PDE8B: variants seen among roughly 807,000 people sequenced by gnomAD.
The protein encoded by PDE8B is phosphodiesterase 8B, also known as high affinity cAMP-specific and IBMX-insensitive 3',5'-cyclic phosphodiesterase 8B.
A neutral mutation model predicts 101.3 loss-of-function variants in PDE8B; 26 were observed. The observed-to-expected ratio is 0.26, with a 90% CI of 0.19 to 0.36. The LOEUF (loss-of-function observed/expected upper bound fraction) is 0.36, where lower values mean the gene tolerates loss of function less well. Ranked by LOEUF, PDE8B falls within the 10% of genes least tolerant of loss-of-function variation. The pLI is 1.00. For synonymous variants in PDE8B, 424 were observed against 429.3 expected (o/e 0.99, Z 0.15); for missense variants, 810 against 1,163.1 (o/e 0.70, Z 4.42).
intron 1 of PDE8B, among the ~76,000 whole-genome samples, chr5:77,227,671 A>C (rs945204059): frequency 6.6e-6 from 1 of 152,224 alleles, no homozygotes; most frequent in African/African-American, 2.4e-5. Flanking sequence ...TGAGCCACGC[A>C]GAATGGAAGA....
At chr5:77,422,029 A>G (rs1277987210) in intron 20 of PDE8B, 41 bp downstream of exon 20, 2 of 1,591,656 alleles carry the variant, frequency 1.3e-6, no homozygotes, top group East Asian at 2.2e-5. Context: ...CCCCTCTGGG[A>G]ATGGGAACTA....
At chr5:77,312,177 C>T in intron 2 of PDE8B, 124 bp downstream of exon 2, 1 of 706,278 alleles carries the variant, frequency 1.4e-6, no homozygotes. Flanking sequence ...AGTCTCGGCT[C>T]ACTGCAACCT....
At chr5:77,388,330 C>G (rs1789173868) in intron 10 of PDE8B, among the ~76,000 whole-genome samples, 1 of 152,196 alleles carries the variant, frequency 6.6e-6, no homozygotes, top group Non-Finnish European at 1.5e-5. Flanking sequence ...ACAGGCCCCT[C>G]TGCTACAGGT....
intron 9 of PDE8B, among the ~76,000 whole-genome samples, chr5:77,352,899 T>C (rs1781423927): frequency 6.6e-6 from 1 of 152,224 alleles, no homozygotes; most frequent in Admixed American, 6.5e-5. Flanking sequence ...AGTGCCATTA[T>C]TATGACAATT....
rs75083555 is a variant in PDE8B, at chr5:77,411,514, G to C, written c.1531-162G>C. Reference sequence around the variant, plus strand: ...AGTTACAGAAGGGAGAGTATCATCTGTCTTATAACTGTTGTGATTTAATTT... The same window carrying C: ...AGTTACAGAAGGGAGAGTATCATCTCTCTTATAACTGTTGTGATTTAATTT... On this transcript the variant is annotated intron_variant, in intron 14 of 21. Transcript: ENST00000264917. Among the ~76,000 whole-genome samples the C allele has an allele frequency of 3.9e-4, 60 of 152,128 alleles. No individual in the cohort carries two copies. In the East Asian group the frequency reaches 0.011, roughly 28 times the overall value.
chr5:77,412,017 G>C (rs763225406), intron 15 of PDE8B, 83 bp from the exon 16 acceptor site: 10 of 1,404,908 alleles, frequency 7.1e-6, no homozygotes, highest in Non-Finnish European at 1.0e-5. Context: ...TTTTCTAGTA[G>C]TAACTATGAA....
the PDE8B span, among the ~76,000 whole-genome samples, chr5:77,183,128 TA>T: frequency 9.3e-3 from 1,002 of 107,408 alleles, 10 homozygotes; most frequent in African/African-American, 0.044. Context: ...TTATTATTAT[TA>T]ATTATTTTGA....
intron 10 of PDE8B, among the ~76,000 whole-genome samples, chr5:77,363,749 G>A (rs1413924018): frequency 6.6e-6 from 1 of 151,708 alleles, no homozygotes; most frequent in Non-Finnish European, 1.5e-5. Flanking sequence ...ATTGTAGGGA[G>A]AGATCCTCTG....
intron 11 of PDE8B, among the ~76,000 whole-genome samples, chr5:77,403,675 T>G (rs1013827262): frequency 6.6e-6 from 1 of 152,138 alleles, no homozygotes; most frequent in Non-Finnish European, 1.5e-5. Context: ...GGAAAAGAGA[T>G]AGTATAATAA....
intron 1 of PDE8B, among the ~76,000 whole-genome samples, chr5:77,286,121 T>C (rs1297614547): frequency 6.6e-6 from 1 of 152,210 alleles, no homozygotes; most frequent in East Asian, 1.9e-4. Flanking sequence ...TCATGGGCAT[T>C]GTGAATGATA....
intron 10 of PDE8B, among the ~76,000 whole-genome samples, chr5:77,379,793 C>G (rs546282882): frequency 9.2e-5 from 14 of 152,262 alleles, no homozygotes; most frequent in African/African-American, 3.4e-4. Flanking sequence ...CAAGAAAATA[C>G]TCATCAAAGT....
intron 10 of PDE8B, among the ~76,000 whole-genome samples, chr5:77,389,032 C>A (rs1025695858): frequency 1.3e-5 from 2 of 152,136 alleles, no homozygotes; most frequent in South Asian, 4.1e-4. Flanking sequence ...ACCCGCTGAG[C>A]CAGACCACTT....
At chr5:77,267,439 C>CAAAAAAA (rs1237992036) in intron 1 of PDE8B, among the ~76,000 whole-genome samples, 1 of 98,186 alleles carries the variant, frequency 1.0e-5, no homozygotes, top group African/African-American at 3.8e-5. Context: ...GACTCCATCT[C>CAAAAAAA]AAAAAAAAAA....
intron 7 of PDE8B, among the ~76,000 whole-genome samples, chr5:77,347,554 ATAGT>A (rs1780358562): frequency 6.6e-6 from 1 of 152,262 alleles, no homozygotes; most frequent in African/African-American, 2.4e-5. Flanking sequence ...CATTCCTCAA[ATAGT>A]TAATAAACAG....
intron 1 of PDE8B, among the ~76,000 whole-genome samples, chr5:77,213,111 A>G (rs1194327895): frequency 6.6e-6 from 1 of 152,252 alleles, no homozygotes; most frequent in Admixed American, 6.5e-5. Context: ...CAAATGAAGT[A>G]AAAACTGAAG....
chr5:77,165,264 A>G, the PDE8B span: 3 of 152,354 alleles, frequency 2.0e-5, no homozygotes, highest in South Asian at 4.1e-4. Flanking sequence ...CTTGTTTTCA[A>G]TATAATTTAT....
At chr5:77,285,179 C>CAGAT (rs1428234809) in intron 1 of PDE8B, among the ~76,000 whole-genome samples, 1 of 152,186 alleles carries the variant, frequency 6.6e-6, no homozygotes, top group Non-Finnish European at 1.5e-5. Flanking sequence ...GTCATGAAGA[C>CAGAT]AGATGCCTGT....
Position 77,426,584 on chromosome 5 carries a change from G to A in PDE8B, c.*30G>A, listed in dbSNP as rs201812762. On this transcript the variant is annotated 3_prime_UTR_variant, in exon 22 of 22. Transcript: ENST00000264917. ...AAGCCACAGAGGGGGCCTCTTGACC[G>A]ACAAAGGACACTGTGAATCACAGTA... is the stretch of plus-strand genomic sequence containing the variant. 2.3e-4 allele frequency: 256 copies of A among 1,125,434 alleles called. No individual in the cohort carries two copies. The highest frequency in any genetic ancestry group is 5.6e-4 in the East Asian group (24 of 42,554). 69.7% of individuals were successfully genotyped at this position (1,125,434 alleles called of 1,614,324 possible). A position where few individuals can be genotyped will look rare whatever the true frequency, so the allele number is the denominator to read the frequency against.
At chr5:77,116,489 G>A in the PDE8B span, among the ~76,000 whole-genome samples, 1 of 152,038 alleles carries the variant, frequency 6.6e-6, no homozygotes. Context: ...TGATGCGCCC[G>A]CCTTGACCTC....
Sources: gnomAD v4.1 joint callset for allele counts (sites outside exome capture counted in the v4.1 genomes callset) on GRCh38, gnomAD v4.1.1 for gene constraint, MANE v1.5 for transcripts, NCBI Gene and HGNC (gene_info 2026-07-23, HGNC 2026-07-21) for gene names.